The following ASCC1 variants were observed in gnomAD, a reference collection of about 807,000 sequenced individuals.
ASCC1 encodes ASC-1 complex subunit P50.
ASCC1 carries 35 observed loss-of-function variants against 46.6 expected under a neutral mutation model. The observed-to-expected ratio is 0.75, with a 90% CI of 0.57 to 0.99. The LOEUF is 0.99. ASCC1 is among the 50% of genes least tolerant of loss of function. The probability of loss-of-function intolerance (pLI) is 0.00; values close to 1 mark genes in which losing one functional copy is unlikely to be tolerated. For synonymous variants in ASCC1, 143 were observed against 146.6 expected (o/e 0.98, Z 0.18); for missense variants, 376 against 428.7 (o/e 0.88, Z 1.09).
At chr10:72,214,801 C>G (rs965629710) in intron 1 of ASCC1, among the ~76,000 whole-genome samples, 1 of 152,066 alleles carries the variant, frequency 6.6e-6, no homozygotes, top group Non-Finnish European at 1.5e-5. Context: ...ACAATCAGTT[C>G]CAGTTGTCTG....
chr10:72,154,837 CA>C (rs1848764396), intron 6 of ASCC1, among the ~76,000 whole-genome samples: 1 of 151,914 alleles, frequency 6.6e-6, no homozygotes, highest in Non-Finnish European at 1.5e-5. Context: ...TTTTGAGTAC[CA>C]AAAGATTGGC....
intron 4 of ASCC1, 50 bp downstream of exon 4, chr10:72,203,377 T>C: frequency 7.4e-7 from 1 of 1,354,668 alleles, no homozygotes; most frequent in Non-Finnish European, 1.1e-6. Flanking sequence ...CATTATTCCA[T>C]AAACATGCAA....
chr10:72,184,989 T>C (rs1221368921), intron 5 of ASCC1, among the ~76,000 whole-genome samples: 2 of 152,112 alleles, frequency 1.3e-5, no homozygotes, highest in Admixed American at 6.6e-5. Flanking sequence ...CAAAGGCAGA[T>C]ACACAAATGG....
At position 72,113,011 on chromosome 10, in the gene ASCC1, T is replaced by G. The variant is rs920724610; in HGVS notation, c.957+15071A>C. On this transcript the variant is annotated intron_variant, in intron 9 of 9. Coordinates refer to ENST00000672957, the MANE Select transcript of ASCC1 (RefSeq NM_001198800.3). ...ACACATAAAAAAGATAAGTATTTTC[T>G]ACAGTAAGAACAGACATCCCGTTCA... 2.0e-5 allele frequency among the ~76,000 whole-genome samples: 3 copies of G among 152,082 alleles called. No homozygotes were observed. In the East Asian group the frequency reaches 5.8e-4, roughly 29 times the overall value.
chr10:72,119,925 G>GAA (rs1188552643), intron 9 of ASCC1, among the ~76,000 whole-genome samples: 1 of 152,196 alleles, frequency 6.6e-6, no homozygotes, highest in Non-Finnish European at 1.5e-5. Context: ...GAATCAAAGA[G>GAA]AAATACTAGT....
intron 9 of ASCC1, among the ~76,000 whole-genome samples, chr10:72,119,050 GA>G (rs1843856284): frequency 6.6e-6 from 1 of 152,204 alleles, no homozygotes; most frequent in African/African-American, 2.4e-5. Flanking sequence ...TGGATACAGA[GA>G]ATCACAAGGG....
At chr10:72,197,098 A>C (rs578082618) in intron 4 of ASCC1, 109 bp from the exon 5 acceptor site, 1 of 955,044 alleles carries the variant, frequency 1.0e-6, no homozygotes, top group East Asian at 2.5e-5. Context: ...CTGAATGCGT[A>C]TATGAATCTA....
At chr10:72,129,518 T>G (rs1213195096) in intron 8 of ASCC1, among the ~76,000 whole-genome samples, 1 of 151,894 alleles carries the variant, frequency 6.6e-6, no homozygotes, top group African/African-American at 2.4e-5. Flanking sequence ...AAAAAAAGTT[T>G]AAGCCAGACA....
intron 4 of ASCC1, chr10:72,198,577 G>A: frequency 2.2e-6 from 1 of 455,644 alleles, no homozygotes. Flanking sequence ...AGCTTCTGAT[G>A]TTCCATTGCC....
chr10:72,198,827 T>C (rs555038341), intron 4 of ASCC1, among the ~76,000 whole-genome samples: 32 of 152,324 alleles, frequency 2.1e-4, no homozygotes, highest in African/African-American at 7.5e-4. Flanking sequence ...AGTTTATTTA[T>C]TTTATTTTCA....
At chr10:72,160,899 T>C (rs763407296) in intron 6 of ASCC1, among the ~76,000 whole-genome samples, 246 of 150,440 alleles carry the variant, frequency 1.6e-3, no homozygotes, top group Middle Eastern at 3.5e-3. Flanking sequence ...CTGGCTAAAA[T>C]GGTGAAACCC....
At chr10:72,132,204 A>G (rs1294701432) in intron 8 of ASCC1, among the ~76,000 whole-genome samples, 1 of 152,076 alleles carries the variant, frequency 6.6e-6, no homozygotes, top group Non-Finnish European at 1.5e-5. Flanking sequence ...GTCAGGGCTC[A>G]AGAAAGGAAA....
chr10:72,186,830 A>G (rs7088203), intron 5 of ASCC1, among the ~76,000 whole-genome samples: 20,823 of 151,628 alleles, frequency 0.14, 4,091 homozygotes, highest in African/African-American at 0.43. Flanking sequence ...TGACGTTCAC[A>G]GCGAACAAGC....
intron 6 of ASCC1, among the ~76,000 whole-genome samples, chr10:72,155,096 T>C (rs1397469626): frequency 2.0e-5 from 3 of 152,102 alleles, no homozygotes; most frequent in Non-Finnish European, 4.4e-5. Flanking sequence ...ATAAAAAATA[T>C]GTTATATATA....
intron 2 of ASCC1, 82 bp from the exon 3 acceptor site, chr10:72,210,913 T>C: frequency 7.4e-7 from 1 of 1,354,270 alleles, no homozygotes; most frequent in Non-Finnish European, 1.0e-6. Context: ...CAACCGCTGT[T>C]GAGGTTTAAA....
At chr10:72,108,753 T>C (rs1255503975) in intron 9 of ASCC1, among the ~76,000 whole-genome samples, 1 of 152,214 alleles carries the variant, frequency 6.6e-6, no homozygotes, top group Non-Finnish European at 1.5e-5. Context: ...AGATAAATTA[T>C]AAGATGAAAT....
intron 9 of ASCC1, among the ~76,000 whole-genome samples, chr10:72,125,760 C>T (rs897659596): frequency 1.8e-4 from 28 of 152,160 alleles, no homozygotes; most frequent in African/African-American, 6.0e-4. Flanking sequence ...CTAAAGGATA[C>T]GTCATCATAA....
At position 72,160,778 on chromosome 10, in the gene ASCC1, T is replaced by C. The variant is rs560023896; in HGVS notation, c.626+760A>G. On this transcript the variant is annotated intron_variant, in intron 6 of 9. Transcript: ENST00000672957. Reference sequence around the variant, plus strand: ...TTGCTGAATCAAATAAAATTATTTGTATTAAAAAAAAAAAAAAAAAAGAGG... The same window carrying C: ...TTGCTGAATCAAATAAAATTATTTGCATTAAAAAAAAAAAAAAAAAAGAGG... Among the ~76,000 whole-genome samples the C allele has an allele frequency of 1.3e-4, 18 of 141,182 alleles. No homozygotes were observed. In the South Asian group the frequency reaches 1.5e-3, roughly 12 times the overall value. 92.6% of individuals were successfully genotyped at this position (141,182 alleles called of 152,430 possible).
At chr10:72,171,780 C>T (rs1851117758) in intron 5 of ASCC1, among the ~76,000 whole-genome samples, 1 of 152,168 alleles carries the variant, frequency 6.6e-6, no homozygotes, top group Admixed American at 6.5e-5. Flanking sequence ...GTCTCTTTTG[C>T]CATAAAAGGT....
Sources: gnomAD v4.1 joint callset for allele counts (sites outside exome capture counted in the v4.1 genomes callset) on GRCh38, gnomAD v4.1.1 for gene constraint, MANE v1.5 for transcripts, NCBI Gene and HGNC (gene_info 2026-07-23, HGNC 2026-07-21) for gene names.